Variants in MTMR10 observed in about 807,000 individuals in gnomAD.
MTMR10 encodes myotubularin-related protein 10.
In MTMR10, 56 loss-of-function variants were observed where a neutral mutation model predicts 88.1. The observed-to-expected ratio is 0.64, with a 90% CI of 0.51 to 0.79. The LOEUF (loss-of-function observed/expected upper bound fraction) is 0.79. MTMR10 is among the 30% of genes least tolerant of loss of function. The pLI is 0.00. For missense variants in MTMR10, 883 were observed against 924.7 expected, an observed-to-expected ratio of 0.95 and a Z score of 0.58; for synonymous variants, 380 against 340.9, an observed-to-expected ratio of 1.11 and a Z score of -1.26.
intron 2 of MTMR10, among the ~76,000 whole-genome samples, chr15:30,989,832 G>A (rs989125367): frequency 2.0e-5 from 3 of 152,112 alleles, no homozygotes; most frequent in East Asian, 3.9e-4. Context: ...TGATCCACCC[G>A]CCTCGGCCTC....
intron 5 of MTMR10, among the ~76,000 whole-genome samples, chr15:30,973,572 C>T (rs1027515509): frequency 9.9e-5 from 15 of 152,074 alleles, no homozygotes; most frequent in African/African-American, 2.2e-4. Context: ...GAGAAAGCCA[C>T]GTCCTATTAT....
chr15:30,953,316 C>G (rs1051707994), intron 11 of MTMR10, among the ~76,000 whole-genome samples: 2 of 152,120 alleles, frequency 1.3e-5, no homozygotes, highest in African/African-American at 4.8e-5. Context: ...GTGATAAAAT[C>G]GCACAGCTGT....
chr15:30,934,331 G>A (rs962308644), downstream of MTMR10, among the ~76,000 whole-genome samples: 1 of 151,936 alleles, frequency 6.6e-6, no homozygotes, highest in African/African-American at 2.4e-5. Context: ...TGGATTTCCT[G>A]TAGGCATCAT....
the MTMR10 span, among the ~76,000 whole-genome samples, chr15:30,933,033 T>C: frequency 6.6e-6 from 1 of 152,176 alleles, no homozygotes; most frequent in Non-Finnish European, 1.5e-5. Context: ...TATTTCTTAC[T>C]GTATTTTAAT....
At chr15:30,948,268 A>G (rs760076644) in intron 13 of MTMR10, 34 bp downstream of exon 13, 4 of 1,582,792 alleles carry the variant, frequency 2.5e-6, no homozygotes, top group African/African-American at 1.4e-5. Flanking sequence ...GTGTATCCTT[A>G]AAGACTGATA....
Position 30,941,135 on chromosome 15 carries a change from C to A in MTMR10, c.*335G>T. On this transcript the variant is annotated 3_prime_UTR_variant, in exon 16 of 16. Coordinates refer to ENST00000435680, the MANE Select transcript of MTMR10 (RefSeq NM_017762.3). ...TCCTAACTTTCCTGTTGTCTGCTGC[C>A]TGGGGCTGCTAATGTGACTGACTAT... The A allele has an allele frequency of 7.8e-7, 1 of 1,282,548 alleles. No individual in the cohort carries two copies. The highest frequency in any genetic ancestry group is 1.0e-6 in the Non-Finnish European group (1 of 990,024). The allele number at this position is 1,282,548 out of a possible 1,614,324, so 79.4% of individuals were successfully genotyped here.
chr15:30,924,201 A>G, the MTMR10 span, among the ~76,000 whole-genome samples: 1 of 152,144 alleles, frequency 6.6e-6, no homozygotes, highest in Non-Finnish European at 1.5e-5. Flanking sequence ...CAGGCTGAAC[A>G]CACTTCCACT....
the MTMR10 span, among the ~76,000 whole-genome samples, chr15:30,921,003 C>T: frequency 2.0e-5 from 3 of 152,148 alleles, no homozygotes; most frequent in African/African-American, 2.4e-5. Context: ...AGGCTGATCT[C>T]GAACTCCTGG....
At chr15:30,967,318 A>G (rs914341890) in intron 6 of MTMR10, among the ~76,000 whole-genome samples, 1 of 152,170 alleles carries the variant, frequency 6.6e-6, no homozygotes, top group African/African-American at 2.4e-5. Context: ...GAATTGCATG[A>G]TCATCTGGAA....
At chr15:30,952,581 GT>G (rs886143786) in intron 11 of MTMR10, among the ~76,000 whole-genome samples, 1 of 151,232 alleles carries the variant, frequency 6.6e-6, no homozygotes, top group Non-Finnish European at 1.5e-5. Flanking sequence ...TCCTCGGCTG[GT>G]TGTGAACTCC....
chr15:30,946,648 T>A, intron 14 of MTMR10: 2 of 685,194 alleles, frequency 2.9e-6, no homozygotes, highest in Admixed American at 4.3e-5. Context: ...GGCACTTTGG[T>A]TCAGAATGGT....
intron 9 of MTMR10, among the ~76,000 whole-genome samples, chr15:30,957,598 C>T (rs888812838): frequency 3.9e-5 from 6 of 152,108 alleles, no homozygotes; most frequent in African/African-American, 1.4e-4. Context: ...TGGTGGGTGC[C>T]TGTAATCCCA....
rs2031327416 is a variant in MTMR10 at position 30,991,469 on chromosome 15, G to A, written c.38C>T (p.Ser13Phe). Residue 13 changes from serine (S) to phenylalanine (F), a missense_variant, in exon 1 of 16, where the codon TCC becomes TTC. Ser to Phe is a radical substitution (Grantham distance 155). Transcript: ENST00000435680. The stretch of plus-strand genomic sequence containing the variant: ...TACCTGGGGCGGTGGCAGGAGGTAG[G>A]ACCTGAAGGTGGGTTTGGGCGGCTT... ...SLKPPKPTFR[S>F]YLLPPPQTDD... The A allele has an allele frequency of 2.0e-6, 3 of 1,513,324 alleles. No homozygotes were observed. In the Admixed American group the frequency reaches 7.8e-5, roughly 40 times the overall value. The allele number at this position is 1,513,324 out of a possible 1,614,324, so 93.7% of individuals were successfully genotyped here. A position where few individuals can be genotyped will look rare whatever the true frequency, so the allele number is the denominator to read the frequency against.
At chr15:30,968,933 T>G (rs1326271320) in intron 5 of MTMR10, among the ~76,000 whole-genome samples, 2 of 152,082 alleles carry the variant, frequency 1.3e-5, no homozygotes, top group Non-Finnish European at 2.9e-5. Flanking sequence ...TGCTCTTCAG[T>G]GAGCAAAGAC....
At chr15:30,946,864 A>ATT (rs2063178839) in intron 14 of MTMR10, 1 of 633,370 alleles carries the variant, frequency 1.6e-6, no homozygotes, top group African/African-American at 1.8e-5. Context: ...AAAGCATGAC[A>ATT]TTTAAGGTGG....
At chr15:30,954,718 C>T in intron 10 of MTMR10, 45 bp downstream of exon 10, 1 of 1,520,892 alleles carries the variant, frequency 6.6e-7, no homozygotes, top group Non-Finnish European at 8.8e-7. Context: ...TCATGCAACT[C>T]TGTATCCTGT....
the MTMR10 span, chr15:30,925,648 C>G: frequency 7.9e-4 from 758 of 960,132 alleles, 5 homozygotes; most frequent in African/African-American, 0.01. Context: ...CGCAGTTCTG[C>G]GTGTGTGAGC....
At chr15:30,933,759 T>C in the MTMR10 span, among the ~76,000 whole-genome samples, 1 of 140,362 alleles carries the variant, frequency 7.1e-6, no homozygotes, top group Admixed American at 7.0e-5. Flanking sequence ...TTTTCTTTTT[T>C]TTTTTGTTTT....
Position 30,942,920 on chromosome 15 carries a change from A to G in MTMR10, c.1701T>C (p.Asn567=). 1.9e-6 allele frequency: 3 copies of G among 1,568,666 alleles called. No homozygotes were observed. Among genetic ancestry groups the G allele is most frequent in the Non-Finnish European group, 2.6e-6 (3 of 1,154,678 alleles). ...TCCGTTTAAAAGACTTCACGGAGCC[A>G]TTCTGTATACAAGGTGTGCTCTTTC... ...YIGKSTPCIQ[N]GSVKSFKRTK... Residue 567 remains asparagine (N), a synonymous_variant, in exon 15 of 16, where the codon AAT becomes AAC. Coordinates refer to ENST00000435680, the MANE Select transcript of MTMR10 (RefSeq NM_017762.3).
Sources: allele counts gnomAD v4.1 joint callset (sites outside exome capture counted in the v4.1 genomes callset), GRCh38; gene constraint gnomAD v4.1.1; transcripts MANE v1.5; gene names NCBI Gene and HGNC (gene_info 2026-07-23, HGNC 2026-07-21).